The following PDE1C variants were observed in gnomAD, a reference collection of about 807,000 sequenced individuals.
PDE1C encodes the protein dual specificity calcium/calmodulin-dependent 3',5'-cyclic nucleotide phosphodiesterase 1C.
A neutral mutation model predicts 93.1 loss-of-function variants in PDE1C; 62 were observed. The ratio of observed to expected loss-of-function variants is 0.67; its 90% CI spans 0.54 to 0.82. PDE1C has a LOEUF of 0.82. Among genes scored for constraint, PDE1C ranks in the 40% least tolerant of loss-of-function variants. The probability of loss-of-function intolerance (pLI) is 0.00; values close to 1 mark genes in which losing one functional copy is unlikely to be tolerated. For missense variants in PDE1C, 742 were observed against 884.6 expected (o/e 0.84, Z 2.04); for synonymous variants, 325 against 310.1 (o/e 1.05, Z -0.50).
chr7:31,967,759 C>G (rs1810255925), intron 2 of PDE1C, among the ~76,000 whole-genome samples: 1 of 152,172 alleles, frequency 6.6e-6, no homozygotes, highest in Non-Finnish European at 1.5e-5. Context: ...GCTTATCCAC[C>G]ATGATCAAGT....
chr7:32,322,910 C>A (rs568687459), intron 1 of PDE1C, among the ~76,000 whole-genome samples: 1 of 152,266 alleles, frequency 6.6e-6, no homozygotes, highest in East Asian at 1.9e-4. Context: ...CCATGCCCAG[C>A]CTCCCATCTC....
At chr7:31,957,144 T>C (rs1432555169) in intron 2 of PDE1C, among the ~76,000 whole-genome samples, 4 of 150,222 alleles carry the variant, frequency 2.7e-5, no homozygotes, top group Non-Finnish European at 5.9e-5. Context: ...TAAAAATACA[T>C]ATGATTTCCT....
intron 2 of PDE1C, among the ~76,000 whole-genome samples, chr7:31,935,931 T>C (rs983924437): frequency 3.3e-5 from 5 of 152,062 alleles, no homozygotes; most frequent in African/African-American, 4.8e-5. Flanking sequence ...TCACAAGACT[T>C]ATTACCCAGC....
chr7:32,205,503 A>G (rs1407146774), intron 2 of PDE1C, among the ~76,000 whole-genome samples: 1 of 152,106 alleles, frequency 6.6e-6, no homozygotes, highest in Non-Finnish European at 1.5e-5. Flanking sequence ...TGTAAAATGG[A>G]CCAATCAGCA....
At chr7:32,161,902 A>T (rs1267621707) in intron 3 of PDE1C, among the ~76,000 whole-genome samples, 1 of 152,164 alleles carries the variant, frequency 6.6e-6, no homozygotes. Context: ...GACACCTCAG[A>T]TGAGCTACAT....
chr7:32,161,326 C>A (rs1359857413), intron 3 of PDE1C, among the ~76,000 whole-genome samples: 1 of 152,182 alleles, frequency 6.6e-6, no homozygotes, highest in African/African-American at 2.4e-5. Flanking sequence ...CAAGAGAGCA[C>A]AGAGCATCCT....
chr7:32,397,996 T>C (rs1483800387), intron 1 of PDE1C, among the ~76,000 whole-genome samples: 1 of 151,518 alleles, frequency 6.6e-6, no homozygotes, highest in East Asian at 2.0e-4. Context: ...CTACTAAAAA[T>C]AAAAAAATTA....
chr7:31,745,710 A>G, the PDE1C span, among the ~76,000 whole-genome samples: 1 of 152,228 alleles, frequency 6.6e-6, no homozygotes, highest in African/African-American at 2.4e-5. Context: ...TGGCTCAGTC[A>G]ACAAGCAGCT....
upstream of PDE1C, among the ~76,000 whole-genome samples, chr7:32,073,594 C>T (rs537754456): frequency 1.3e-4 from 20 of 152,310 alleles, no homozygotes; most frequent in South Asian, 4.1e-3. Context: ...GATGAGAAAA[C>T]TGAGGCCAAA....
the PDE1C span, among the ~76,000 whole-genome samples, chr7:31,713,908 T>C: frequency 6.6e-6 from 1 of 152,138 alleles, no homozygotes; most frequent in African/African-American, 2.4e-5. Flanking sequence ...CACAAAACCA[T>C]TTTTCCTTCC....
At chr7:31,861,331 C>T (rs1428414848) in intron 7 of PDE1C, among the ~76,000 whole-genome samples, 1 of 152,072 alleles carries the variant, frequency 6.6e-6, no homozygotes, top group Non-Finnish European at 1.5e-5. Flanking sequence ...TTCAGAGCCC[C>T]TTCTAACTAT....
At chr7:32,353,783 T>G (rs1783978235) in intron 1 of PDE1C, among the ~76,000 whole-genome samples, 1 of 152,164 alleles carries the variant, frequency 6.6e-6, no homozygotes, top group Non-Finnish European at 1.5e-5. Flanking sequence ...AAGAAGGTAT[T>G]TTTCTCTTTT....
At chr7:32,360,771 G>A (rs547421635) in intron 1 of PDE1C, among the ~76,000 whole-genome samples, 2 of 152,310 alleles carry the variant, frequency 1.3e-5, no homozygotes, top group East Asian at 3.9e-4. Flanking sequence ...AGAAAGAAAA[G>A]TATATTTGCT....
intron 3 of PDE1C, among the ~76,000 whole-genome samples, chr7:32,078,589 C>T (rs146142793): frequency 1.4e-4 from 21 of 152,124 alleles, no homozygotes; most frequent in East Asian, 3.9e-4. Context: ...CACTGGGCAA[C>T]GGCTATACAT....
chr7:31,646,563 A>C, the PDE1C span, among the ~76,000 whole-genome samples: 1 of 152,182 alleles, frequency 6.6e-6, no homozygotes, highest in Non-Finnish European at 1.5e-5. Flanking sequence ...AGGGTGACCA[A>C]GTGTGGACCC....
intron 1 of PDE1C, among the ~76,000 whole-genome samples, chr7:32,427,602 G>A (rs1052670765): frequency 2.6e-5 from 4 of 152,200 alleles, no homozygotes; most frequent in Non-Finnish European, 5.9e-5. Context: ...TCCTTAGGGT[G>A]TAAACTGTCT....
chr7:32,165,452 G>A (rs1194749133), intron 3 of PDE1C, among the ~76,000 whole-genome samples: 1 of 152,190 alleles, frequency 6.6e-6, no homozygotes, highest in Non-Finnish European at 1.5e-5. Flanking sequence ...ATAAAGGAAA[G>A]AGGTTTAATT....
intron 1 of PDE1C, among the ~76,000 whole-genome samples, chr7:32,227,625 T>G (rs994709309): frequency 6.6e-6 from 1 of 152,188 alleles, no homozygotes; most frequent in African/African-American, 2.4e-5. Context: ...GCCTCTAAGA[T>G]GGCTCCCAAT....
intron 2 of PDE1C, among the ~76,000 whole-genome samples, chr7:31,948,504 A>G (rs1026429515): frequency 3.3e-5 from 5 of 152,226 alleles, no homozygotes; most frequent in African/African-American, 9.6e-5. Flanking sequence ...TCACATTTTT[A>G]TACTCACTTA....
Sources: gnomAD v4.1 joint callset for allele counts (sites outside exome capture counted in the v4.1 genomes callset) on GRCh38, gnomAD v4.1.1 for gene constraint, MANE v1.5 for transcripts, NCBI Gene and HGNC (gene_info 2026-07-23, HGNC 2026-07-21) for gene names.